UPF1: variants seen among roughly 807,000 people sequenced by gnomAD.
The protein encoded by UPF1 is regulator of nonsense transcripts 1.
UPF1 carries 9 observed loss-of-function variants against 129.2 expected under a neutral mutation model. That is an observed-to-expected ratio of 0.07 (90% CI 0.04 to 0.12). The LOEUF (loss-of-function observed/expected upper bound fraction) is 0.12, where lower values mean the gene tolerates loss of function less well. Among genes scored for constraint, UPF1 ranks in the 10% least tolerant of loss-of-function variants. The pLI, the probability that UPF1 is intolerant of heterozygous loss-of-function variation, is 1.00. For missense variants in UPF1, 788 were observed against 1,525.3 expected, an observed-to-expected ratio of 0.52 and a Z score of 8.05; for synonymous variants, 649 against 644.9, an observed-to-expected ratio of 1.01 and a Z score of -0.10.
At chr19:18,842,395 C>T (rs935678900) in intron 1 of UPF1, among the ~76,000 whole-genome samples, 10 of 151,976 alleles carry the variant, frequency 6.6e-5, no homozygotes, top group Non-Finnish European at 8.8e-5. Context: ...CCCCTGGGGC[C>T]GGCCACTCTG....
At chr19:18,854,242 C>G (rs916606963) in intron 8 of UPF1, among the ~76,000 whole-genome samples, 4 of 152,190 alleles carry the variant, frequency 2.6e-5, no homozygotes, top group Non-Finnish European at 2.9e-5. Context: ...CAGGAGCTCC[C>G]GGTGAGGTCC....
chr19:18,840,341 C>T (rs946603006), intron 1 of UPF1, among the ~76,000 whole-genome samples: 22 of 152,200 alleles, frequency 1.4e-4, no homozygotes, highest in Non-Finnish European at 2.4e-4. Flanking sequence ...AAAGCAGCTC[C>T]AGCTCCTGCC....
chr19:18,855,275 C>T (rs765533713), intron 11 of UPF1, 33 bp downstream of exon 11: 9 of 1,601,384 alleles, frequency 5.6e-6, no homozygotes, highest in Middle Eastern at 1.7e-4. Flanking sequence ...GGGCAAGACC[C>T]GGGAGGGCTT....
intron 1 of UPF1, among the ~76,000 whole-genome samples, chr19:18,845,233 C>T (rs757694696): frequency 1.3e-5 from 2 of 152,178 alleles, no homozygotes; most frequent in African/African-American, 4.8e-5. Context: ...TGCCTGACCC[C>T]GTGGTGGGGT....
intron 1 of UPF1, among the ~76,000 whole-genome samples, chr19:18,839,841 G>A (rs535593430): frequency 2.0e-5 from 3 of 152,316 alleles, no homozygotes; most frequent in East Asian, 3.9e-4. Flanking sequence ...AGCACATGCC[G>A]CCTGGCCAGG....
rs1039391723 is a variant in UPF1, at chr19:18,853,850, T to G, written c.1156+500T>G. 6.6e-6 allele frequency among the ~76,000 whole-genome samples: 1 copy of G among 152,138 alleles called. No individual in the cohort carries two copies. Among genetic ancestry groups the G allele is most frequent in the African/African-American group, 2.4e-5 (1 of 41,412 alleles). On this transcript the variant is annotated intron_variant, in intron 8 of 23. Transcript: ENST00000262803. The surrounding 1 kb of genome is among the most constrained non-coding windows in gnomAD (Gnocchi z 4.4). Reference sequence around the variant, plus strand: ...GAGTGGGGCAGCTGTAAGGCACAGGTGCAGTCAGAGGCTTGGGTGGGGAGG... The same window carrying G: ...GAGTGGGGCAGCTGTAAGGCACAGGGGCAGTCAGAGGCTTGGGTGGGGAGG...
Position 18,850,588 on chromosome 19 carries a change from C to A in UPF1, c.630-100C>A. 1 of 1,331,644 alleles carries A rather than the reference C, an allele frequency of 7.5e-7. No homozygotes were observed. The highest frequency in any genetic ancestry group is 1.0e-6 in the Non-Finnish European group (1 of 1,004,174). The allele number at this position is 1,331,644 out of a possible 1,614,324, so 82.5% of individuals were successfully genotyped here. A position where few individuals can be genotyped will look rare whatever the true frequency, so the allele number is the denominator to read the frequency against. On this transcript the variant is annotated intron_variant, in intron 4 of 23. Transcript: ENST00000262803. This position sits in a 1 kb window ranked among gnomAD's most constrained non-coding sequence, Gnocchi z 7.1. The stretch of plus-strand genomic sequence containing the variant: ...TGTGATCACATAATAAAATGCAGGG[C>A]ATGCCCCTTTGGGTGAAAGGTCAGC...
intron 2 of UPF1, 24 bp from the exon 3 acceptor site, chr19:18,847,720 A>G (rs2055615750): frequency 6.2e-7 from 1 of 1,608,648 alleles, no homozygotes; most frequent in African/African-American, 1.3e-5. Context: ...TCCAGCTGTA[A>G]CTGTCGCTGT....
rs2055439428 is a variant in UPF1, at chr19:18,832,563, C to T, written c.231+123C>T. Reference sequence around the variant, plus strand: ...TCCCCCATCGCGGCCGGGCCTGGGGCGATCTGCCCCGGGTCCCCTACTCTG... The same window carrying T: ...TCCCCCATCGCGGCCGGGCCTGGGGTGATCTGCCCCGGGTCCCCTACTCTG... On this transcript the variant is annotated intron_variant, in intron 1 of 23. Transcript: ENST00000262803. The surrounding 1 kb of genome is among the most constrained non-coding windows in gnomAD (Gnocchi z 5.6). The T allele has an allele frequency of 2.9e-6, 2 of 701,118 alleles. No homozygotes were observed. Among genetic ancestry groups the T allele is most frequent in the South Asian group, 1.3e-4 (2 of 15,820 alleles). The allele number at this position is 701,118 out of a possible 1,614,324, so 43.4% of individuals were successfully genotyped here.
intron 1 of UPF1, among the ~76,000 whole-genome samples, chr19:18,833,854 G>A (rs944721825): frequency 6.6e-6 from 1 of 152,170 alleles, no homozygotes; most frequent in Non-Finnish European, 1.5e-5. Context: ...CACTCTCGTG[G>A]GTAGACCACC....
rs929714437 is a variant in UPF1, at chr19:18,836,642, G to A, written c.231+4202G>A. The stretch of plus-strand genomic sequence containing the variant: ...TTTATGGGTGTTTAAGTACATTGAT[G>A]TATGTCAGTTTCTAAAATGGCACAC... On this transcript the variant is annotated intron_variant, in intron 1 of 23. Coordinates refer to ENST00000262803, the MANE Select transcript of UPF1 (RefSeq NM_002911.4). Among the ~76,000 whole-genome samples the A allele has an allele frequency of 4.2e-4, 63 of 151,730 alleles. 1 individual carries two copies. Among genetic ancestry groups the A allele is most frequent in the Non-Finnish European group, 4.1e-4 (28 of 67,994 alleles).
In UPF1 at chr19:18,853,271, G is replaced by T. The variant is rs777452061; in HGVS notation, c.1077G>T (p.Gly359=). ...KTDSDMRLMQ[G]DEICLRYKGD... is the part of the protein sequence containing the mutation. ...CTCAAGACATGCGGCTCATGCAGGG[G>T]GATGAGATATGCCTGCGGTACAAAG... Residue 359 remains glycine, a synonymous_variant, in exon 8 of 24, where the codon GGG becomes GGT. Transcript: ENST00000262803. This position sits in a 1 kb window ranked among gnomAD's most constrained non-coding sequence, Gnocchi z 4.4. 1 of 1,612,818 alleles carries T rather than the reference G, an allele frequency of 6.2e-7. No individual in the cohort carries two copies. The highest frequency in any genetic ancestry group is 1.1e-5 in the South Asian group (1 of 90,920).
chr19:18,837,020 G>A (rs2055490929), intron 1 of UPF1, among the ~76,000 whole-genome samples: 4 of 151,992 alleles, frequency 2.6e-5, no homozygotes, highest in African/African-American at 7.3e-5. Flanking sequence ...CTAAAGTGCT[G>A]GGATTACAGC....
In UPF1 at chr19:18,850,273, G is replaced by T; in HGVS notation, c.629+31G>T. 1 of 1,552,738 alleles carries T rather than the reference G, an allele frequency of 6.4e-7. No homozygotes were observed. The highest frequency in any genetic ancestry group is 8.7e-7 in the Non-Finnish European group (1 of 1,150,594). ...TGGTCCCCAGATGTCTCCTGGGGGTGACCTTTAAGCTCCAGCCGTCTCCTC... is the reference window on the plus strand; with the variant it reads ...TGGTCCCCAGATGTCTCCTGGGGGTTACCTTTAAGCTCCAGCCGTCTCCTC... On this transcript the variant is annotated intron_variant, in intron 4 of 23. Transcript: ENST00000262803. The surrounding 1 kb of genome is among the most constrained non-coding windows in gnomAD (Gnocchi z 7.1).
At position 18,865,154 on chromosome 19, in the gene UPF1, C is replaced by G. The variant is rs1568284655; in HGVS notation, c.2858-135C>G. The G allele has an allele frequency of 1.0e-5, 12 of 1,165,746 alleles. No homozygotes were observed. The South Asian group carries it at 1.9e-4, about 19-fold the overall frequency. 72.2% of individuals were successfully genotyped at this position (1,165,746 alleles called of 1,614,324 possible). On this transcript the variant is annotated intron_variant, in intron 20 of 23. Coordinates refer to ENST00000262803, the MANE Select transcript of UPF1 (RefSeq NM_002911.4). This position sits in a 1 kb window ranked among gnomAD's most constrained non-coding sequence, Gnocchi z 6.1. ...CTGCTGTAGTTAACATGGAGTCCTGCGAATCCGCATCTTCAGCCTGGGCAG... is the reference window on the plus strand; with the variant it reads ...CTGCTGTAGTTAACATGGAGTCCTGGGAATCCGCATCTTCAGCCTGGGCAG...
In UPF1 at chr19:18,856,966, C is replaced by T. The variant is rs769868932; in HGVS notation, c.1914C>T (p.Ser638=). The part of the protein sequence containing the change: ...MQFRSILIDE[S]TQATEPECMV... ...TCCGCTCCATTTTAATCGACGAAAGCACCCAGGCCACCGAGCCGGAGTGCA... is the reference window on the plus strand; with the variant it reads ...TCCGCTCCATTTTAATCGACGAAAGTACCCAGGCCACCGAGCCGGAGTGCA... Residue 638 remains serine (S), a synonymous_variant, in exon 14 of 24, where the codon AGC becomes AGT. Coordinates refer to ENST00000262803, the MANE Select transcript of UPF1 (RefSeq NM_002911.4). 47 of 1,612,516 alleles carry T rather than the reference C, an allele frequency of 2.9e-5. No individual in the cohort carries two copies. The South Asian group carries it at 5.1e-4, about 17-fold the overall frequency.
At chr19:18,852,036 G>A in intron 5 of UPF1, 99 bp from the exon 6 acceptor site, 2 of 1,429,336 alleles carry the variant, frequency 1.4e-6, no homozygotes, top group Non-Finnish European at 1.8e-6. Flanking sequence ...ATTCTGAGAA[G>A]CGGCATGTGT....
chr19:18,833,390 A>G (rs1208313226), intron 1 of UPF1: 1 of 152,166 alleles, frequency 6.6e-6, no homozygotes, highest in Non-Finnish European at 1.5e-5. Flanking sequence ...TTCTTCCAAT[A>G]AGACAGCAAT....
At chr19:18,862,204 C>A (rs1174523731) in intron 18 of UPF1, 52 bp downstream of exon 18, 2 of 1,596,954 alleles carry the variant, frequency 1.3e-6, no homozygotes, top group Non-Finnish European at 1.7e-6. Context: ...GTCCTCACTT[C>A]CCAGGGAATT....
Sources: gnomAD v4.1 joint callset for allele counts (sites outside exome capture counted in the v4.1 genomes callset) on GRCh38, gnomAD v4.1.1 for gene constraint, Gnocchi (gnomAD v3.1) non-coding constraint, MANE v1.5 for transcripts, NCBI Gene and HGNC (gene_info 2026-07-23, HGNC 2026-07-21) for gene names.